The following TMOD2 variants were observed in gnomAD, a reference collection of about 807,000 sequenced individuals.
TMOD2 encodes tropomodulin-2.
TMOD2 carries 22 observed loss-of-function variants against 39.9 expected under a neutral mutation model. That is an observed-to-expected ratio of 0.55 (90% CI 0.39 to 0.79). The LOEUF (loss-of-function observed/expected upper bound fraction) is 0.79, where lower values mean the gene tolerates loss of function less well. Among genes scored for constraint, TMOD2 ranks in the 30% least tolerant of loss-of-function variants. TMOD2 has a pLI of 0.00. For synonymous variants in TMOD2, 123 were observed against 146.1 expected (o/e 0.84, Z 1.14); for missense variants, 386 against 413.3 (o/e 0.93, Z 0.57).
intron 5 of TMOD2, among the ~76,000 whole-genome samples, chr15:51,779,235 G>A (rs1016012126): frequency 6.6e-6 from 1 of 152,160 alleles, no homozygotes; most frequent in East Asian, 1.9e-4. Context: ...CAGCATCAAA[G>A]GGTAACGTTC....
chr15:51,759,031 T>C (rs952424590), intron 1 of TMOD2, among the ~76,000 whole-genome samples: 6 of 151,692 alleles, frequency 4.0e-5, no homozygotes, highest in Admixed American at 6.6e-5. Context: ...TAGAGAAGAG[T>C]TGTTTAACTC....
intron 8 of TMOD2, among the ~76,000 whole-genome samples, chr15:51,802,230 A>G (rs960581304): frequency 3.3e-5 from 5 of 151,986 alleles, no homozygotes; most frequent in Admixed American, 2.0e-4. Flanking sequence ...AAAAAAAAAT[A>G]AAGCTATTAT....
At chr15:51,790,067 A>G (rs2055999893) in intron 7 of TMOD2, among the ~76,000 whole-genome samples, 1 of 152,228 alleles carries the variant, frequency 6.6e-6, no homozygotes, top group African/African-American at 2.4e-5. Flanking sequence ...CAATGAATCC[A>G]GGAGCTGGTT....
At chr15:51,780,752 C>T (rs16964518) in intron 5 of TMOD2, among the ~76,000 whole-genome samples, 4,854 of 152,188 alleles carry the variant, frequency 0.032, 122 homozygotes, top group Non-Finnish European at 0.05. Flanking sequence ...GCAGCAATAA[C>T]GGCCCATGGA....
chr15:51,785,227 A>C (rs2055960086), intron 7 of TMOD2, among the ~76,000 whole-genome samples: 1 of 151,776 alleles, frequency 6.6e-6, no homozygotes, highest in Non-Finnish European at 1.5e-5. Flanking sequence ...CCTGGCTAAC[A>C]AGGTGAAACC....
At chr15:51,796,021 C>G (rs1655441452) in intron 7 of TMOD2, among the ~76,000 whole-genome samples, 1 of 148,718 alleles carries the variant, frequency 6.7e-6, no homozygotes, top group Admixed American at 6.9e-5. Flanking sequence ...GCATATTGAC[C>G]TGCTTGGTCA....
chr15:51,765,675 G>A (rs909498156), intron 1 of TMOD2, among the ~76,000 whole-genome samples: 5 of 152,220 alleles, frequency 3.3e-5, no homozygotes, highest in Admixed American at 3.3e-4. Context: ...AAAAATAAGG[G>A]TCGAGAGAAG....
chr15:51,786,002 G>C (rs1012121807), intron 7 of TMOD2, among the ~76,000 whole-genome samples: 1 of 151,930 alleles, frequency 6.6e-6, no homozygotes, highest in African/African-American at 2.4e-5. Flanking sequence ...TCATAGTATA[G>C]TCTATAAAAA....
intron 3 of TMOD2, among the ~76,000 whole-genome samples, chr15:51,769,927 G>A (rs1406230761): frequency 6.6e-6 from 1 of 152,002 alleles, no homozygotes; most frequent in Non-Finnish European, 1.5e-5. Context: ...AGTTACTTAG[G>A]AGCTGATATG....
In TMOD2 at chr15:51,806,459, A is replaced by G. The variant is rs146455002; in HGVS notation, c.959A>G (p.Gln320Arg). ...TCAAGGATCCTCAAGTTTGGATACCAGTTTACCAAGCAAGGGCCACGAACA... is the reference window on the plus strand; with the variant it reads ...TCAAGGATCCTCAAGTTTGGATACCGGTTTACCAAGCAAGGGCCACGAACA... Reference protein sequence around the residue: ...ENSRILKFGYQFTKQGPRTRV... With the variant: ...ENSRILKFGYRFTKQGPRTRV... Residue 320 changes from glutamine to arginine, a missense_variant, in exon 9 of 10, where the codon CAG (glutamine) becomes CGG (arginine). Coordinates refer to ENST00000249700, the MANE Select transcript of TMOD2 (RefSeq NM_014548.4). 256 of 1,614,134 alleles carry G rather than the reference A, an allele frequency of 1.6e-4. 1 individual carries two copies. Among genetic ancestry groups the G allele is most frequent in the Non-Finnish European group, 2.0e-4 (239 of 1,180,044 alleles).
chr15:51,806,259 T>G, intron 8 of TMOD2, 118 bp from the exon 9 acceptor site: 6 of 1,142,914 alleles, frequency 5.2e-6, no homozygotes, highest in South Asian at 1.5e-5. Flanking sequence ...CCTTTCAGTT[T>G]GAGACCTTTG....
intron 8 of TMOD2, among the ~76,000 whole-genome samples, chr15:51,802,626 G>A (rs571383991): frequency 1.5e-4 from 23 of 152,268 alleles, no homozygotes; most frequent in African/African-American, 5.3e-4. Flanking sequence ...ATGCTCCAGG[G>A]GCACAAGCCG....
At chr15:51,801,275 A>ACACG (rs1555463071) in intron 8 of TMOD2, among the ~76,000 whole-genome samples, 42 of 140,940 alleles carry the variant, frequency 3.0e-4, no homozygotes, top group African/African-American at 1.1e-3. Flanking sequence ...ACACACACAC[A>ACACG]CACACACACC....
At chr15:51,792,785 G>T (rs1394967697) in intron 7 of TMOD2, among the ~76,000 whole-genome samples, 1 of 152,118 alleles carries the variant, frequency 6.6e-6, no homozygotes, top group Non-Finnish European at 1.5e-5. Flanking sequence ...AACACCGCAT[G>T]TTCTCACTCA....
At chr15:51,786,297 G>C (rs1466412436) in intron 7 of TMOD2, among the ~76,000 whole-genome samples, 2 of 152,024 alleles carry the variant, frequency 1.3e-5, no homozygotes, top group Admixed American at 1.3e-4. Flanking sequence ...CACTGTGCCT[G>C]GGTGATGTTT....
At position 51,798,325 on chromosome 15, in the gene TMOD2, C is replaced by T; in HGVS notation, c.861C>T (p.Ile287=). ...ALKENDTLTE[I]KIDNQRQQLG... is the part of the protein sequence containing the mutation. ...AAGAAAATGACACCTTGACAGAAAT[C>T]AAGATTGACAACCAGGTAAGGAAGG... The change falls in exon 8 of 10, where the codon ATC becomes ATT. Residue 287 remains isoleucine (I), a synonymous_variant. Coordinates refer to ENST00000249700, the MANE Select transcript of TMOD2 (RefSeq NM_014548.4). The T allele has an allele frequency of 6.2e-7, 1 of 1,613,570 alleles. No individual in the cohort carries two copies. Among genetic ancestry groups the T allele is most frequent in the Non-Finnish European group, 8.5e-7 (1 of 1,179,872 alleles).
intron 8 of TMOD2, among the ~76,000 whole-genome samples, chr15:51,803,267 GC>G (rs2141643455): frequency 7.1e-6 from 1 of 141,266 alleles, no homozygotes; most frequent in East Asian, 2.4e-4. Flanking sequence ...TGCAACCTCC[GC>G]CTCCCAGGTT....
chr15:51,788,073 T>C (rs2055983269), intron 7 of TMOD2, among the ~76,000 whole-genome samples: 1 of 152,224 alleles, frequency 6.6e-6, no homozygotes, highest in Admixed American at 6.5e-5. Context: ...AAGGAGCATG[T>C]TCTAATCCAT....
rs537446007 is a variant in TMOD2 at position 51,774,174 on chromosome 15, A to G, written c.406+340A>G. ...TTCACATTTGGCATTTTATCATCAC[A>G]ACATTTCTATAAAGTTCTTGTTCTT... On this transcript the variant is annotated intron_variant, in intron 4 of 9. Coordinates refer to ENST00000249700, the MANE Select transcript of TMOD2 (RefSeq NM_014548.4). Among the ~76,000 whole-genome samples the G allele has an allele frequency of 3.7e-4, 56 of 152,332 alleles. 1 individual carries two copies. The highest frequency in any genetic ancestry group is 6.0e-4 in the Non-Finnish European group (41 of 68,036).
Sources: gnomAD v4.1 joint callset for allele counts (sites outside exome capture counted in the v4.1 genomes callset) on GRCh38, gnomAD v4.1.1 for gene constraint, MANE v1.5 for transcripts, NCBI Gene and HGNC (gene_info 2026-07-23, HGNC 2026-07-21) for gene names.